Variants in ATP8B3 observed in about 807,000 individuals in gnomAD.
The protein encoded by ATP8B3 is phospholipid-transporting ATPase IK.
A neutral mutation model predicts 140.9 loss-of-function variants in ATP8B3; 141 were observed. That is an observed-to-expected ratio of 1.00 (90% CI 0.87 to 1.15). The LOEUF (loss-of-function observed/expected upper bound fraction) is 1.15, where lower values mean the gene tolerates loss of function less well. ATP8B3 is among the 50% of genes most tolerant of loss of function. ATP8B3 has a pLI of 0.00. For missense variants in ATP8B3, 1,874 were observed against 1,740.6 expected (o/e 1.08, Z -1.36); for synonymous variants, 765 against 714.6 (o/e 1.07, Z -1.13).
Position 1,790,011 on chromosome 19 carries a change from G to A in ATP8B3, c.2379-22C>T, listed in dbSNP as rs745911974. Reference sequence around the variant, plus strand: ...GCGGCTGCGGGGCGCAGGGGTCAGCGGGGCAGGGGAGGGGGCGGGCTTCTC... The same window carrying A: ...GCGGCTGCGGGGCGCAGGGGTCAGCAGGGCAGGGGAGGGGGCGGGCTTCTC... On this transcript the variant is annotated intron_variant, in intron 21 of 28. Transcript: ENST00000310127. 14 of 1,580,430 alleles carry A rather than the reference G, an allele frequency of 8.9e-6. No homozygotes were observed. In the East Asian group the frequency reaches 1.3e-4, roughly 15 times the overall value.
intron 25 of ATP8B3, among the ~76,000 whole-genome samples, chr19:1,786,653 C>A (rs2068314066): frequency 6.6e-6 from 1 of 152,126 alleles, no homozygotes; most frequent in East Asian, 1.9e-4. Flanking sequence ...ACAAGCGTTC[C>A]TCATGGGCAC....
Position 1,794,033 on chromosome 19 carries a change from C to G in ATP8B3, c.2055+1842G>C, listed in dbSNP as rs944309558. ...TTACAGGCGTGAGCCATCGCGCCAG[C>G]CTGTTTATTAAGAGACAGGGGTCTC... On this transcript the variant is annotated intron_variant, in intron 18 of 28. Coordinates refer to ENST00000310127, the MANE Select transcript of ATP8B3 (RefSeq NM_138813.4). The surrounding 1 kb of genome is among the most constrained non-coding windows in gnomAD (Gnocchi z 4.8). Among the ~76,000 whole-genome samples the G allele has an allele frequency of 1.3e-5, 2 of 148,594 alleles. No homozygotes were observed. The highest frequency in any genetic ancestry group is 3.0e-5 in the Non-Finnish European group (2 of 67,342).
rs1689573568 is a variant in ATP8B3 at position 1,784,865 on chromosome 19, A to G, written c.3614T>C (p.Leu1205Pro). ...LSVSINTFPV[L>P]ALRVIFPALK... The stretch of plus-strand genomic sequence containing the variant: ...GGCTGGGAAGATGACTCGGAGGGCC[A>G]GGACAGGGAAGGTGTTTATGGACAC... Residue 1205 changes from leucine to proline, a missense_variant, in exon 28 of 29, where the codon CTG becomes CCG. Leu to Pro is a moderately conservative substitution (Grantham distance 98). Coordinates refer to ENST00000310127, the MANE Select transcript of ATP8B3 (RefSeq NM_138813.4). 3 of 1,612,402 alleles carry G rather than the reference A, an allele frequency of 1.9e-6. No homozygotes were observed. Among genetic ancestry groups the G allele is most frequent in the Non-Finnish European group, 2.5e-6 (3 of 1,179,354 alleles).
At position 1,800,595 on chromosome 19, in the gene ATP8B3, G is replaced by A. The variant is rs1015526755; in HGVS notation, c.1153-146C>T. ...AGCACTTCAGGAGGCTAAGGCAGGC[G>A]GATGGCTTGACGTCAGGAGTTCAAG... On this transcript the variant is annotated intron_variant, in intron 12 of 28. Transcript: ENST00000310127. The surrounding 1 kb of genome is among the most constrained non-coding windows in gnomAD (Gnocchi z 4.4). 2.0e-5 allele frequency: 15 copies of A among 732,344 alleles called. No homozygotes were observed. The highest frequency in any genetic ancestry group is 2.9e-5 in the Admixed American group (1 of 34,976). The allele number at this position is 732,344 out of a possible 1,614,324, so 45.4% of individuals were successfully genotyped here. A position where few individuals can be genotyped will look rare whatever the true frequency, so the allele number is the denominator to read the frequency against.
At chr19:1,808,881 T>C (rs1258736875) in intron 4 of ATP8B3, among the ~76,000 whole-genome samples, 3 of 152,084 alleles carry the variant, frequency 2.0e-5, no homozygotes, top group Non-Finnish European at 2.9e-5. Flanking sequence ...GAGATGAAAA[T>C]AAAAATATCG....
chr19:1,804,616 AAAAG>A (rs2068955269), intron 10 of ATP8B3, among the ~76,000 whole-genome samples: 1 of 151,344 alleles, frequency 6.6e-6, no homozygotes, highest in African/African-American at 2.4e-5. Flanking sequence ...TCAAAAAAAA[AAAAG>A]AAAAAAGAAA....
chr19:1,785,746 G>A, intron 25 of ATP8B3, 38 bp from the exon 26 acceptor site: 1 of 1,014,142 alleles, frequency 9.9e-7, no homozygotes, highest in Admixed American at 2.3e-5. Context: ...TGGGTGGGGG[G>A]CGGGGGACAC....
Position 1,796,706 on chromosome 19 carries a change from C to T in ATP8B3, c.1753+5G>A, listed in dbSNP as rs770336737. ...CCTCAGAGATGGGGAGGTGGGTGGG[C>T]GCACCTGGGCGCTCACGGGGGCTCT... On this transcript the variant is annotated splice_donor_5th_base_variant and intron_variant, in intron 16 of 28. Coordinates refer to ENST00000310127, the MANE Select transcript of ATP8B3 (RefSeq NM_138813.4). 4.4e-6 allele frequency: 7 copies of T among 1,607,288 alleles called. No homozygotes were observed. The highest frequency in any genetic ancestry group is 5.9e-6 in the Non-Finnish European group (7 of 1,178,236).
At chr19:1,792,233 C>G in intron 18 of ATP8B3, 98 bp from the exon 19 acceptor site, 9 of 1,373,970 alleles carry the variant, frequency 6.6e-6, no homozygotes, top group Non-Finnish European at 6.7e-6. Flanking sequence ...CCTGGGTCCC[C>G]CAACCAAAAG....
intron 16 of ATP8B3, 113 bp from the exon 17 acceptor site, chr19:1,796,378 G>A (rs1181886507): frequency 9.2e-7 from 1 of 1,089,364 alleles, no homozygotes; most frequent in East Asian, 2.6e-5. Context: ...TGGTGGCCGG[G>A]GACCCCCGCC....
chr19:1,788,160 C>T (rs1349342059), intron 24 of ATP8B3, among the ~76,000 whole-genome samples: 1 of 152,252 alleles, frequency 6.6e-6, no homozygotes, highest in African/African-American at 2.4e-5. Context: ...TTCTCCAAGG[C>T]ACCTGCTTCC....
At position 1,784,610 on chromosome 19, in the gene ATP8B3, C is replaced by T. The variant is rs961816366; in HGVS notation, c.3660+209G>A. On this transcript the variant is annotated intron_variant, in intron 28 of 28. Transcript: ENST00000310127. ...GTTTGGGTGCTCTCTGCTGCTTTGT[C>T]GGGGGAGTGAGGTCTCCCTTCTTGG... Among the ~76,000 whole-genome samples, 7 of 152,194 alleles carry T rather than the reference C, an allele frequency of 4.6e-5. No individual in the cohort carries two copies. In the East Asian group the frequency reaches 5.8e-4, roughly 13 times the overall value.
In ATP8B3 at chr19:1,795,908, C is replaced by A. The variant is rs894519774; in HGVS notation, c.2022G>T (p.Gly674=). ...CCTCCTCTGTGGCAAATTCCATTGC[C>A]CCCCTCCTGTGCAAGCGTTCGAAGA... ...TVIFERLHRR[G]AMEFATEEAL... is the part of the protein sequence containing the mutation. The change falls in exon 18 of 29, where the codon GGG becomes GGT. Residue 674 remains glycine (G), a synonymous_variant. Transcript: ENST00000310127. The A allele has an allele frequency of 1.9e-6, 3 of 1,613,096 alleles. No homozygotes were observed. The highest frequency in any genetic ancestry group is 3.3e-5 in the Admixed American group (2 of 60,002).
In ATP8B3 at chr19:1,806,048, C is replaced by G. The variant is rs775435693; in HGVS notation, c.750+49G>C. ...CTCCCCACCCTGGGAGGGGTGCTCT[C>G]GGTGAGGGGGCGCGTGGTTCTGGGA... On this transcript the variant is annotated intron_variant, in intron 8 of 28. Transcript: ENST00000310127. This position sits in a 1 kb window ranked among gnomAD's most constrained non-coding sequence, Gnocchi z 5.6. 1.2e-6 allele frequency: 2 copies of G among 1,604,506 alleles called. No homozygotes were observed. The highest frequency in any genetic ancestry group is 4.5e-5 in the East Asian group (2 of 44,392).
rs1016872146 is a variant in ATP8B3 at position 1,806,479 on chromosome 19, C to T, written c.677+149G>A. 1 of 1,474,940 alleles carries T rather than the reference C, an allele frequency of 6.8e-7. No homozygotes were observed. The highest frequency in any genetic ancestry group is 9.0e-7 in the Non-Finnish European group (1 of 1,116,468). The allele number at this position is 1,474,940 out of a possible 1,614,324, so 91.4% of individuals were successfully genotyped here. A position where few individuals can be genotyped will look rare whatever the true frequency, so the allele number is the denominator to read the frequency against. ...CTCTGTCCTCGTCCCGGCCAAACGCCTAATGAATGCAGGCCCGGTTCCTGT... is the reference window on the plus strand; with the variant it reads ...CTCTGTCCTCGTCCCGGCCAAACGCTTAATGAATGCAGGCCCGGTTCCTGT... On this transcript the variant is annotated intron_variant, in intron 7 of 28. Transcript: ENST00000310127. The surrounding 1 kb of genome is among the most constrained non-coding windows in gnomAD (Gnocchi z 5.6).
Position 1,811,656 on chromosome 19 carries a change from G to T in ATP8B3, c.81C>A (p.Asp27Glu). ...CCTGAGTCACGTCTGAGTCACCCGT[G>T]TCCCCAGGTCCTGGTGGGGCAGGGC... is the stretch of plus-strand genomic sequence containing the variant. Reference protein sequence around the residue: ...EPSPAPPGPGDTGDSDVTQEG... With the variant: ...EPSPAPPGPGETGDSDVTQEG... Residue 27 changes from aspartate to glutamate, a missense_variant, in exon 2 of 29, where the codon GAC becomes GAA. By Grantham distance (45) the Asp-to-Glu change is conservative. Around this residue, in one of 3 missense-constraint regions of ATP8B3, gnomAD observed 1,032 missense variants for 963.6 expected, o/e 1.07. Coordinates refer to ENST00000310127, the MANE Select transcript of ATP8B3 (RefSeq NM_138813.4). 1 of 1,610,662 alleles carries T rather than the reference G, an allele frequency of 6.2e-7. No homozygotes were observed. Among genetic ancestry groups the T allele is most frequent in the Non-Finnish European group, 8.5e-7 (1 of 1,179,766 alleles).
In ATP8B3 at chr19:1,811,746, G is replaced by T; in HGVS notation, c.-10C>A. 6.4e-7 allele frequency: 1 copy of T among 1,573,794 alleles called. No individual in the cohort carries two copies. Among genetic ancestry groups the T allele is most frequent in the Non-Finnish European group, 8.6e-7 (1 of 1,164,838 alleles). On this transcript the variant is annotated 5_prime_UTR_variant, in exon 2 of 29. Coordinates refer to ENST00000310127, the MANE Select transcript of ATP8B3 (RefSeq NM_138813.4). ...CGGGGCCAGTGCCCATTCACCGCAT[G>T]AGGAAAAGGGAGGTTCAGGGCGAAG...
At chr19:1,798,313 C>T (rs1568642019) in intron 14 of ATP8B3, among the ~76,000 whole-genome samples, 1 of 152,028 alleles carries the variant, frequency 6.6e-6, no homozygotes, top group African/African-American at 2.4e-5. Context: ...AAACCACGTG[C>T]CCTGGTTATA....
chr19:1,801,715 G>A (rs2068850425), intron 12 of ATP8B3, among the ~76,000 whole-genome samples: 3 of 152,068 alleles, frequency 2.0e-5, no homozygotes, highest in African/African-American at 7.2e-5. Flanking sequence ...TCACGCCACT[G>A]CACTCCGGCC....
Sources: allele counts gnomAD v4.1 joint callset (sites outside exome capture counted in the v4.1 genomes callset), GRCh38; gene constraint gnomAD v4.1.1; regional missense constraint gnomAD v4.1.1; non-coding constraint Gnocchi (gnomAD v3.1); transcripts MANE v1.5; gene names NCBI Gene and HGNC (gene_info 2026-07-23, HGNC 2026-07-21).